The following CCNL2 variants were observed in gnomAD, a reference collection of about 807,000 sequenced individuals.
CCNL2 encodes the protein cyclin L2.
In CCNL2, 28 loss-of-function variants were observed where a neutral mutation model predicts 59.1. The observed-to-expected ratio is 0.47, with a 90% CI of 0.35 to 0.65. CCNL2 has a LOEUF of 0.65. CCNL2 is among the 30% of genes least tolerant of loss of function. The pLI, the probability that CCNL2 is intolerant of heterozygous loss-of-function variation, is 0.00. For missense variants in CCNL2, 714 were observed against 717.4 expected (o/e 1.00, Z 0.05); for synonymous variants, 342 against 288.6 (o/e 1.19, Z -1.88).
chr1:1,392,231 A>G (rs1025849746), intron 5 of CCNL2: 1 of 700,134 alleles, frequency 1.4e-6, no homozygotes, highest in African/African-American at 1.9e-5. Flanking sequence ...GTCAGTATTC[A>G]AGTAGTGATA....
At position 1,387,493 on chromosome 1, in the gene CCNL2, C is replaced by G. The variant is rs779163870; in HGVS notation, c.1301G>C (p.Arg434Pro). The G allele has an allele frequency of 1.6e-5, 25 of 1,592,996 alleles. No homozygotes were observed. Among genetic ancestry groups the G allele is most frequent in the Admixed American group, 1.7e-5 (1 of 57,156 alleles). The change falls in exon 11 of 11, where the codon CGC becomes CCC. Residue 434 changes from arginine to proline, a missense_variant. By Grantham distance (103) the Arg-to-Pro change is moderately radical. This residue lies in a region of CCNL2 where 403 missense variants were observed against 377.7 expected (regional missense o/e 1.07). Coordinates refer to ENST00000400809, the MANE Select transcript of CCNL2 (RefSeq NM_030937.6). ...RSDSPPRQAPRSAPYKGSEIR... is the reference protein window; with the variant it reads ...RSDSPPRQAPPSAPYKGSEIR... ...CTCAGAGCCTTTGTAGGGAGCGCTG[C>G]GGGGGGCCTGTCTCGGTGGGGAGTC...
At chr1:1,398,562 C>CT (rs758069375) in intron 2 of CCNL2, 35 bp downstream of exon 2, 19 of 1,606,390 alleles carry the variant, frequency 1.2e-5, no homozygotes, top group Non-Finnish European at 1.6e-5. Flanking sequence ...CCTCAACATA[C>CT]TTCGCTGGGA....
Position 1,391,517 on chromosome 1 carries a change from G to A in CCNL2, c.660-652C>T, listed in dbSNP as rs1023849635. The A allele has an allele frequency of 6.9e-6, 9 of 1,303,520 alleles. No individual in the cohort carries two copies. The African/African-American group carries it at 1.4e-4, about 20-fold the overall frequency. 80.7% of individuals were successfully genotyped at this position (1,303,520 alleles called of 1,614,324 possible). A position where few individuals can be genotyped will look rare whatever the true frequency, so the allele number is the denominator to read the frequency against. ...GCGGAGGGAGACTCCGCACCCAAGG[G>A]CAGGCCTCTTCTCGGGCTCATCAGA... On this transcript the variant is annotated intron_variant, in intron 5 of 10. Coordinates refer to ENST00000400809, the MANE Select transcript of CCNL2 (RefSeq NM_030937.6).
intron 8 of CCNL2, chr1:1,388,576 TC>T (rs1456198138): frequency 2.8e-5 from 12 of 435,214 alleles, no homozygotes; most frequent in African/African-American, 2.3e-4. Flanking sequence ...TCTCTCTCTC[TC>T]TCTCTCTATA....
At chr1:1,392,375 A>G (rs1203616868) in intron 5 of CCNL2, 10 of 1,065,576 alleles carry the variant, frequency 9.4e-6, no homozygotes, top group Non-Finnish European at 1.1e-5. Flanking sequence ...CTTTTACCAG[A>G]GCGTGTCATG....
intron 3 of CCNL2, among the ~76,000 whole-genome samples, chr1:1,396,779 T>C (rs772788013): frequency 8.2e-4 from 119 of 144,888 alleles, no homozygotes; most frequent in Middle Eastern, 3.7e-3. Context: ...GACGGAGTCT[T>C]GCTCTGTCGC....
intron 5 of CCNL2, chr1:1,392,341 A>G: frequency 9.9e-7 from 1 of 1,011,094 alleles, no homozygotes; most frequent in Non-Finnish European, 1.2e-6. Context: ...CAAAGTATCC[A>G]TGAAATAATT....
rs146605427 is a variant in CCNL2 at position 1,389,786 on chromosome 1, C to T, written c.1006+444G>A. Among the ~76,000 whole-genome samples the T allele has an allele frequency of 8.6e-3, 1,303 of 152,116 alleles. 19 individuals are homozygous for T. Among genetic ancestry groups the T allele is most frequent in the African/African-American group, 0.029 (1,196 of 41,486 alleles). On this transcript the variant is annotated intron_variant, in intron 8 of 10. Coordinates refer to ENST00000400809, the MANE Select transcript of CCNL2 (RefSeq NM_030937.6). ...CATCCTGGCTAACCTGGTGAAACCC[C>T]GTCTCTACTAAAAATTCAAAAAATT...
At chr1:1,394,752 GAAAA>G (rs745453245) in intron 4 of CCNL2, among the ~76,000 whole-genome samples, 2 of 42,796 alleles carry the variant, frequency 4.7e-5, no homozygotes, top group Non-Finnish European at 1.0e-4. Context: ...TCCGTCTCAA[GAAAA>G]AAAAAAAAAA....
At chr1:1,396,577 T>TG (rs1423616281) in intron 3 of CCNL2, among the ~76,000 whole-genome samples, 2 of 136,254 alleles carry the variant, frequency 1.5e-5, no homozygotes, top group Non-Finnish European at 3.2e-5. Context: ...GGCTGTTTTT[T>TG]TTTTTTTTTT....
chr1:1,396,755 T>C (rs1300678815), intron 3 of CCNL2, among the ~76,000 whole-genome samples: 1 of 150,912 alleles, frequency 6.6e-6, no homozygotes, highest in Non-Finnish European at 1.5e-5. Context: ...AATTTTTTTT[T>C]TATTTTTTTT....
chr1:1,393,086 C>T, intron 5 of CCNL2: 3 of 587,124 alleles, frequency 5.1e-6, no homozygotes, highest in South Asian at 4.2e-5. Context: ...GCCTGTCCCT[C>T]CACCCTCCCC....
chr1:1,388,606 C>T, intron 8 of CCNL2: 1 of 414,424 alleles, frequency 2.4e-6, no homozygotes, highest in African/African-American at 2.1e-5. Flanking sequence ...TACATAGACA[C>T]ACACTCACAC....
Position 1,387,995 on chromosome 1 carries a change from C to T in CCNL2, c.1077G>A (p.Leu359=). 1 of 1,614,132 alleles carries T rather than the reference C, an allele frequency of 6.2e-7. No individual in the cohort carries two copies. Among genetic ancestry groups the T allele is most frequent in the Non-Finnish European group, 8.5e-7 (1 of 1,180,054 alleles). The change falls in exon 9 of 11, where the codon CTG becomes CTA. Residue 359 remains leucine (L), a synonymous_variant. Coordinates refer to ENST00000400809, the MANE Select transcript of CCNL2 (RefSeq NM_030937.6). ...PLSVKNTKRR[L]EGAKKAKADS... is the part of the protein sequence containing the mutation. ...CCGCCTTGGCTTTCTTGGCGCCCTC[C>T]AGCCTCCTCTTGGTGTTCTTCACAG...
Position 1,390,780 on chromosome 1 carries a change from C to G in CCNL2, c.745G>C (p.Ala249Pro). The G allele has an allele frequency of 6.2e-7, 1 of 1,614,044 alleles. No homozygotes were observed. Among genetic ancestry groups the G allele is most frequent in the Non-Finnish European group, 8.5e-7 (1 of 1,179,956 alleles). ...AACACACTGACCTCCAGCGTCCGGG[C>G]AGCAAGATAAATGCAGGCACAGGCG... ...SIACACIYLA[A>P]RTLEIPLPNR... The change falls in exon 6 of 11, where the codon GCC becomes CCC. Residue 249 changes from alanine to proline, a missense_variant. Around this residue, in one of 5 missense-constraint regions of CCNL2, gnomAD observed 403 missense variants for 377.7 expected, o/e 1.07. Coordinates refer to ENST00000400809, the MANE Select transcript of CCNL2 (RefSeq NM_030937.6).
chr1:1,388,844 G>C, intron 8 of CCNL2: 1 of 382,166 alleles, frequency 2.6e-6, no homozygotes, highest in Non-Finnish European at 4.9e-6. Context: ...GGGAGGCCAA[G>C]GCGGGCAGAT....
At chr1:1,387,610 G>T in intron 10 of CCNL2, 28 bp from the exon 11 acceptor site, 1 of 1,464,326 alleles carries the variant, frequency 6.8e-7, no homozygotes, top group Non-Finnish European at 9.1e-7. Context: ...ACCACCACAC[G>T]TGTGACCATC....
Position 1,387,066 on chromosome 1 carries a change from C to T in CCNL2, c.*165G>A. On this transcript the variant is annotated 3_prime_UTR_variant, in exon 11 of 11. Transcript: ENST00000400809. ...CGGTCCCTCAGTTCCATTTCCAAAT[C>T]CACCAAGGTCCAGTCGACAGACATT... 1.7e-6 allele frequency: 1 copy of T among 594,214 alleles called. No homozygotes were observed. Among genetic ancestry groups the T allele is most frequent in the Non-Finnish European group, 2.9e-6 (1 of 343,422 alleles). 36.8% of individuals were successfully genotyped at this position (594,214 alleles called of 1,614,324 possible).
rs369853322 is a variant in CCNL2 at position 1,387,335 on chromosome 1, T to G, written c.1459A>C (p.Ser487Arg). The G allele has an allele frequency of 2.0e-5, 33 of 1,614,014 alleles. No homozygotes were observed. Among genetic ancestry groups the G allele is most frequent in the Non-Finnish European group, 2.6e-5 (31 of 1,180,048 alleles). ...ADNPGKYKKK[S>R]HYYRDQRRER... ...CGTCGCTGATCTCTGTAGTAATGAC[T>G]TTTCTTCTTGTATTTTCCCGGATTA... The change falls in exon 11 of 11, where the codon AGT becomes CGT. Residue 487 changes from serine to arginine, a missense_variant. Physicochemically the swap from Ser to Arg is moderately radical, Grantham distance 110. Transcript: ENST00000400809.
Sources: gnomAD v4.1 joint callset for allele counts (sites outside exome capture counted in the v4.1 genomes callset) on GRCh38, gnomAD v4.1.1 for gene constraint, gnomAD v4.1.1 regional missense constraint, MANE v1.5 for transcripts, NCBI Gene and HGNC (gene_info 2026-07-23, HGNC 2026-07-21) for gene names.